The following DYNC1H1 variants were observed in gnomAD, a reference collection of about 807,000 sequenced individuals.
DYNC1H1 encodes the protein dynein cytoplasmic 1 heavy chain 1, also known as cytoplasmic dynein 1 heavy chain 1.
A neutral mutation model predicts 527.1 loss-of-function variants in DYNC1H1; 51 were observed. The observed-to-expected ratio is 0.10, with a 90% CI of 0.08 to 0.12. The LOEUF (loss-of-function observed/expected upper bound fraction) is 0.12. Among genes scored for constraint, DYNC1H1 ranks in the 10% least tolerant of loss-of-function variants. The probability of loss-of-function intolerance (pLI) is 1.00; values close to 1 mark genes in which losing one functional copy is unlikely to be tolerated. For missense variants in DYNC1H1, 2,771 were observed against 5,971.8 expected, an observed-to-expected ratio of 0.46 and a Z score of 17.66; for synonymous variants, 2,189 against 2,278.8, an observed-to-expected ratio of 0.96 and a Z score of 1.12.
chr14:102,009,793 GT>G (rs748875467), intron 29 of DYNC1H1, 49 bp from the exon 30 acceptor site: 11,356 of 1,139,538 alleles, frequency 1.0e-2, no homozygotes, highest in Admixed American at 0.01. Context: ...AATGCATTTT[GT>G]TTTTTTTTTT....
chr14:101,980,603 G>A (rs1033056730), intron 5 of DYNC1H1, 53 bp downstream of exon 5: 95 of 1,585,894 alleles, frequency 6.0e-5, no homozygotes, highest in Non-Finnish European at 7.7e-5. Context: ...TGGCTTTTAC[G>A]AGATCTTACT....
rs1365024257 is a variant in DYNC1H1 at position 102,015,455 on chromosome 14, C to T, written c.7242+123C>T. Reference sequence around the variant, plus strand: ...GCCCAAGCAATCCACCTGCCTTGGCCTCTCAAAGTGCTGGGATTACAGGCA... The same window carrying T: ...GCCCAAGCAATCCACCTGCCTTGGCTTCTCAAAGTGCTGGGATTACAGGCA... On this transcript the variant is annotated intron_variant, in intron 35 of 77. Coordinates refer to ENST00000360184, the MANE Select transcript of DYNC1H1 (RefSeq NM_001376.5). This position sits in a 1 kb window ranked among gnomAD's most constrained non-coding sequence, Gnocchi z 6.9. 12 of 1,161,398 alleles carry T rather than the reference C, an allele frequency of 1.0e-5. No homozygotes were observed. The highest frequency in any genetic ancestry group is 1.5e-5 in the South Asian group (1 of 64,530). 71.9% of individuals were successfully genotyped at this position (1,161,398 alleles called of 1,614,324 possible). A position where few individuals can be genotyped will look rare whatever the true frequency, so the allele number is the denominator to read the frequency against.
chr14:101,999,874 C>A, intron 16 of DYNC1H1, 115 bp from the exon 17 acceptor site: 1 of 1,449,940 alleles, frequency 6.9e-7, no homozygotes, highest in Non-Finnish European at 9.5e-7. Flanking sequence ...AAGATGTGTG[C>A]AAAGAATCCG....
intron 10 of DYNC1H1, among the ~76,000 whole-genome samples, chr14:101,991,065 C>T (rs1222906221): frequency 1.3e-5 from 2 of 151,946 alleles, no homozygotes; most frequent in Admixed American, 6.6e-5. Flanking sequence ...CGCCTGTGGT[C>T]CCGGCTACTT....
chr14:101,998,660 C>T (rs1040193672), intron 16 of DYNC1H1, among the ~76,000 whole-genome samples: 2 of 152,052 alleles, frequency 1.3e-5, no homozygotes, highest in African/African-American at 2.4e-5. Flanking sequence ...TGCCTGTAAC[C>T]GTTTCCGTGC....
chr14:101,996,963 A>T, intron 15 of DYNC1H1, 72 bp from the exon 16 acceptor site: 1 of 1,552,752 alleles, frequency 6.4e-7, no homozygotes, highest in South Asian at 1.2e-5. Flanking sequence ...CTTCTCTTTC[A>T]TGGGGCTCTA....
Position 102,054,421 on chromosome 14 carries a change from G to A in DYNC1H1, c.*3858G>A, listed in dbSNP as rs771257385. The A allele has an allele frequency of 2.0e-5, 3 of 152,162 alleles. No homozygotes were observed. The highest frequency in any genetic ancestry group is 4.4e-5 in the Non-Finnish European group (3 of 68,046). The allele number at this position is 152,162 out of a possible 1,614,324, so 9.4% of individuals were successfully genotyped here. A position where few individuals can be genotyped will look rare whatever the true frequency, so the allele number is the denominator to read the frequency against. On this transcript the variant is annotated 3_prime_UTR_variant, in exon 78 of 78. Coordinates refer to ENST00000360184, the MANE Select transcript of DYNC1H1 (RefSeq NM_001376.5). ...GAAGCTGAAATGGGCGTTTAAGTCC[G>A]AACCTTGTTTTCAAAGGTGCCCATT... is the stretch of plus-strand genomic sequence containing the variant.
intron 5 of DYNC1H1, among the ~76,000 whole-genome samples, chr14:101,982,183 G>A (rs1224620484): frequency 6.6e-6 from 1 of 152,200 alleles, no homozygotes; most frequent in Non-Finnish European, 1.5e-5. Flanking sequence ...AGAATCTAAT[G>A]CCTGATGATC....
Position 102,000,093 on chromosome 14 carries a change from G to A in DYNC1H1, c.3909G>A (p.Ala1303=), listed in dbSNP as rs34690489. The A allele has an allele frequency of 0.01, 16,586 of 1,614,178 alleles. 118 individuals carry two copies. The highest frequency in any genetic ancestry group is 0.022 in the African/African-American group (1,687 of 75,042). The part of the protein sequence containing the change: ...DREKCAKAKE[A]LELTDTGLLS... ...AGAAGTGTGCAAAGGCCAAGGAGGC[G>A]CTGGAATTGACAGATACTGGGCTTC... The change falls in exon 17 of 78, where the codon GCG becomes GCA. Residue 1303 remains alanine (A), a synonymous_variant. Coordinates refer to ENST00000360184, the MANE Select transcript of DYNC1H1 (RefSeq NM_001376.5).
chr14:102,015,883 C>T lies in DYNC1H1; in HGVS notation c.7270C>T (p.Gln2424Ter). 1 of 1,614,264 alleles carries T rather than the reference C, an allele frequency of 6.2e-7. No individual in the cohort carries two copies. The highest frequency in any genetic ancestry group is 8.5e-7 in the Non-Finnish European group (1 of 1,180,048). ...QIQRDAATIM[Q>*]PYFTSNGLVT... ...CCAAAGAGATGCAGCTACGATCATG[C>T]AACCGTACTTCACGTCCAACGGCCT... Residue 2424 changes from glutamine (Q) to a stop codon, truncating the protein, a stop_gained, in exon 36 of 78, where the codon CAA becomes TAA. Coordinates refer to ENST00000360184, the MANE Select transcript of DYNC1H1 (RefSeq NM_001376.5). LOFTEE classifies it high-confidence loss of function. The surrounding 1 kb of genome is among the most constrained non-coding windows in gnomAD (Gnocchi z 6.9).
At chr14:101,976,884 A>G (rs2141267568) in intron 2 of DYNC1H1, among the ~76,000 whole-genome samples, 1 of 152,346 alleles carries the variant, frequency 6.6e-6, no homozygotes, top group East Asian at 1.9e-4. Flanking sequence ...CCAGTATAAC[A>G]ACTATTTATG....
In DYNC1H1 at chr14:102,010,605, C is replaced by A; in HGVS notation, c.6406-135C>A. Reference sequence around the variant, plus strand: ...AGACTGTAATGTTGACCCAGTGAGTCGAGTGCACGAATGTGGGCGAGTGGT... The same window carrying A: ...AGACTGTAATGTTGACCCAGTGAGTAGAGTGCACGAATGTGGGCGAGTGGT... On this transcript the variant is annotated intron_variant, in intron 31 of 77. Coordinates refer to ENST00000360184, the MANE Select transcript of DYNC1H1 (RefSeq NM_001376.5). The surrounding 1 kb of genome is among the most constrained non-coding windows in gnomAD (Gnocchi z 6.0). 1 of 1,487,088 alleles carries A rather than the reference C, an allele frequency of 6.7e-7. No homozygotes were observed. Among genetic ancestry groups the A allele is most frequent in the Admixed American group, 1.9e-5 (1 of 52,218 alleles). 92.1% of individuals were successfully genotyped at this position (1,487,088 alleles called of 1,614,324 possible).
chr14:102,016,822 G>A lies in DYNC1H1; in HGVS notation c.7671G>A (p.Val2557=). ...AGGCCAAGGTGCCTCAGATTGAAGT[G>A]GAGACGCACAAGGTGGCAGCCCCTG... ...PWQAKVPQIE[V]ETHKVAAPDV... is the part of the protein sequence containing the mutation. The change falls in exon 38 of 78, where the codon GTG becomes GTA. Residue 2557 remains valine (V), a synonymous_variant. Coordinates refer to ENST00000360184, the MANE Select transcript of DYNC1H1 (RefSeq NM_001376.5). The surrounding 1 kb of genome is among the most constrained non-coding windows in gnomAD (Gnocchi z 7.3). The A allele has an allele frequency of 6.2e-7, 1 of 1,614,038 alleles. No homozygotes were observed. Among genetic ancestry groups the A allele is most frequent in the Non-Finnish European group, 8.5e-7 (1 of 1,180,018 alleles).
chr14:101,985,965 G>A lies in DYNC1H1; in HGVS notation c.1740G>A (p.Glu580=). 1 of 1,614,214 alleles carries A rather than the reference G, an allele frequency of 6.2e-7. No homozygotes were observed. The highest frequency in any genetic ancestry group is 1.3e-5 in the African/African-American group (1 of 75,064). ...TTGGCACAGCCAAGAATGCCAACGA[G>A]ATGTTTAGGATTTTCTCCAGGTTTA... ...DQLGTAKNAN[E]MFRIFSRFNA... is the part of the protein sequence containing the mutation. The change falls in exon 8 of 78, where the codon GAG becomes GAA. Residue 580 remains glutamate, a synonymous_variant. Coordinates refer to ENST00000360184, the MANE Select transcript of DYNC1H1 (RefSeq NM_001376.5). The surrounding 1 kb of genome is among the most constrained non-coding windows in gnomAD (Gnocchi z 5.9).
chr14:101,997,345 C>G lies in DYNC1H1; in HGVS notation c.3804+71C>G, dbSNP rs186770424. The G allele has an allele frequency of 1.2e-4, 201 of 1,609,364 alleles. No individual in the cohort carries two copies. The African/African-American group carries it at 2.3e-3, about 19-fold the overall frequency. On this transcript the variant is annotated intron_variant, in intron 16 of 77. Transcript: ENST00000360184. The surrounding 1 kb of genome is among the most constrained non-coding windows in gnomAD (Gnocchi z 4.8). ...TGTGATTTGGTGACTTTCTTTCAAGCCTAAAAGGCCTTGCTGTGACTGAGC... is the reference window on the plus strand; with the variant it reads ...TGTGATTTGGTGACTTTCTTTCAAGGCTAAAAGGCCTTGCTGTGACTGAGC...
At position 101,997,300 on chromosome 14, in the gene DYNC1H1, G is replaced by T; in HGVS notation, c.3804+26G>T. Reference sequence around the variant, plus strand: ...GTGAGTCCCGCCAGGTGGGGACGCAGGAGACTCCTCACCCAGCAGTGTGAT... The same window carrying T: ...GTGAGTCCCGCCAGGTGGGGACGCATGAGACTCCTCACCCAGCAGTGTGAT... On this transcript the variant is annotated intron_variant, in intron 16 of 77. Transcript: ENST00000360184. The surrounding 1 kb of genome is among the most constrained non-coding windows in gnomAD (Gnocchi z 4.8). 1 of 1,613,992 alleles carries T rather than the reference G, an allele frequency of 6.2e-7. No homozygotes were observed. The highest frequency in any genetic ancestry group is 8.5e-7 in the Non-Finnish European group (1 of 1,180,004).
intron 51 of DYNC1H1, among the ~76,000 whole-genome samples, chr14:102,031,410 T>C (rs1461677939): frequency 6.6e-6 from 1 of 152,070 alleles, no homozygotes; most frequent in Non-Finnish European, 1.5e-5. Context: ...AATTTTTGTA[T>C]TTTTTGTGGA....
intron 64 of DYNC1H1, 136 bp downstream of exon 64, chr14:102,040,809 C>T (rs1444508996): frequency 2.8e-6 from 3 of 1,084,566 alleles, no homozygotes; most frequent in Non-Finnish European, 4.1e-6. Flanking sequence ...AAAATAAAAC[C>T]TTAGCCAGGC....
rs1415991502 is a variant in DYNC1H1 at position 102,050,872 on chromosome 14, C to T, written c.*309C>T. ...TCCATGCTGCCCAGGGAGGGCAGCC[C>T]ACGGCAGCCATGCCCCTCCCCACCT... On this transcript the variant is annotated 3_prime_UTR_variant, in exon 78 of 78. Transcript: ENST00000360184. 1 of 394,946 alleles carries T rather than the reference C, an allele frequency of 2.5e-6. No individual in the cohort carries two copies. The highest frequency in any genetic ancestry group is 4.8e-6 in the Non-Finnish European group (1 of 209,086). 24.5% of individuals were successfully genotyped at this position (394,946 alleles called of 1,614,324 possible).
Sources: allele counts gnomAD v4.1 joint callset (sites outside exome capture counted in the v4.1 genomes callset), GRCh38; gene constraint gnomAD v4.1.1; non-coding constraint Gnocchi (gnomAD v3.1); transcripts MANE v1.5; gene names NCBI Gene and HGNC (gene_info 2026-07-23, HGNC 2026-07-21).